The following NFIB variants were observed in gnomAD, a reference collection of about 807,000 sequenced individuals.
NFIB encodes nuclear factor 1 B-type.
A neutral mutation model predicts 61.5 loss-of-function variants in NFIB; 11 were observed. The observed-to-expected ratio is 0.18, with a 90% confidence interval of 0.11 to 0.30. The LOEUF is 0.30. NFIB is among the 10% of genes least tolerant of loss of function. The probability of loss-of-function intolerance (pLI) is 1.00; values close to 1 mark genes in which losing one functional copy is unlikely to be tolerated. For synonymous variants in NFIB, 260 were observed against 216.5 expected (o/e 1.20, Z -1.76); for missense variants, 471 against 608.9 (o/e 0.77, Z 2.38).
intron 2 of NFIB, among the ~76,000 whole-genome samples, chr9:14,255,258 C>T (rs920326847): frequency 5.3e-5 from 8 of 152,080 alleles, no homozygotes; most frequent in Non-Finnish European, 1.0e-4. Context: ...AGAAACTTGG[C>T]TGAACCATGA....
the NFIB span, among the ~76,000 whole-genome samples, chr9:14,409,636 G>C: frequency 6.6e-6 from 1 of 152,298 alleles, no homozygotes; most frequent in South Asian, 2.1e-4. Flanking sequence ...CTATGACACA[G>C]CTCACCTTTC....
rs2057207100 is a variant in NFIB, at chr9:14,266,446, A to G, written c.562+40543T>C. 2.6e-5 allele frequency among the ~76,000 whole-genome samples: 4 copies of G among 152,052 alleles called. No homozygotes were observed. In the South Asian group the frequency reaches 8.3e-4, roughly 32 times the overall value. Reference sequence around the variant, plus strand: ...ATTTCTAGAAAAAAAAAATTTTTAAATAGCAGGGTATTGTGTCCCATGCCT... The same window carrying G: ...ATTTCTAGAAAAAAAAAATTTTTAAGTAGCAGGGTATTGTGTCCCATGCCT... On this transcript the variant is annotated intron_variant, in intron 2 of 10. Coordinates refer to ENST00000380953, the MANE Select transcript of NFIB (RefSeq NM_001190737.2).
At chr9:14,270,136 T>C (rs1271019852) in intron 2 of NFIB, among the ~76,000 whole-genome samples, 1 of 152,144 alleles carries the variant, frequency 6.6e-6, no homozygotes, top group Non-Finnish European at 1.5e-5. Flanking sequence ...AGGAAACTGT[T>C]AGATGACCCT....
At chr9:14,274,555 G>A (rs2057865572) in intron 2 of NFIB, among the ~76,000 whole-genome samples, 1 of 152,116 alleles carries the variant, frequency 6.6e-6, no homozygotes, top group South Asian at 2.1e-4. Context: ...GAAGTTAGAA[G>A]CATTCTTCAC....
intron 2 of NFIB, among the ~76,000 whole-genome samples, chr9:14,192,893 T>G (rs1197754294): frequency 6.6e-6 from 1 of 152,134 alleles, no homozygotes; most frequent in Non-Finnish European, 1.5e-5. Context: ...CAGATACATT[T>G]GTTTTTTTGA....
chr9:14,426,347 A>T, the NFIB span, among the ~76,000 whole-genome samples: 5 of 152,098 alleles, frequency 3.3e-5, no homozygotes, highest in Non-Finnish European at 5.9e-5. Context: ...CTCCTCTGTG[A>T]TCCCATGAGG....
At chr9:14,254,548 T>G (rs770810676) in intron 2 of NFIB, among the ~76,000 whole-genome samples, 1 of 152,170 alleles carries the variant, frequency 6.6e-6, no homozygotes, top group Non-Finnish European at 1.5e-5. Flanking sequence ...GTTTGCTGAT[T>G]TGAAGTGAAA....
intron 3 of NFIB, among the ~76,000 whole-genome samples, chr9:14,174,752 G>C (rs1456125506): frequency 1.1e-4 from 16 of 142,682 alleles, no homozygotes; most frequent in Admixed American, 1.1e-3. Context: ...GGGCGACAGA[G>C]TGAGACTCCA....
intron 1 of NFIB, among the ~76,000 whole-genome samples, chr9:14,371,515 T>C (rs1250446766): frequency 6.6e-6 from 1 of 152,202 alleles, no homozygotes; most frequent in African/African-American, 2.4e-5. Flanking sequence ...ACTTAGACTT[T>C]AGTCCTCTCC....
intron 2 of NFIB, among the ~76,000 whole-genome samples, chr9:14,216,891 A>G (rs1261979359): frequency 6.6e-6 from 1 of 152,236 alleles, no homozygotes; most frequent in Non-Finnish European, 1.5e-5. Flanking sequence ...ATCCTGGCCA[A>G]TGTTTAGCAC....
At chr9:14,467,513 T>C in the NFIB span, among the ~76,000 whole-genome samples, 14 of 152,184 alleles carry the variant, frequency 9.2e-5, no homozygotes, top group African/African-American at 3.4e-4. Context: ...TTAACAGCTC[T>C]TACTGGGGTG....
At chr9:14,141,033 T>G (rs2041641605) in intron 6 of NFIB, among the ~76,000 whole-genome samples, 1 of 152,196 alleles carries the variant, frequency 6.6e-6, no homozygotes, top group Non-Finnish European at 1.5e-5. Flanking sequence ...ACTGGCATTT[T>G]TACTCTCTAG....
chr9:14,246,753 T>C (rs567437648), intron 2 of NFIB, among the ~76,000 whole-genome samples: 9 of 152,266 alleles, frequency 5.9e-5, no homozygotes, highest in African/African-American at 1.9e-4. Flanking sequence ...TATCAAGGTA[T>C]ATGTGTGGTT....
chr9:14,508,094 TATAA>T, the NFIB span, among the ~76,000 whole-genome samples: 2 of 150,916 alleles, frequency 1.3e-5, no homozygotes, highest in South Asian at 4.2e-4. Context: ...AATATTAATA[TATAA>T]ATATACATGT....
At chr9:14,247,111 A>G (rs2055024347) in intron 2 of NFIB, among the ~76,000 whole-genome samples, 1 of 152,130 alleles carries the variant, frequency 6.6e-6, no homozygotes, top group Non-Finnish European at 1.5e-5. Context: ...TCAGACTCCC[A>G]GCCTCCAGGA....
chr9:14,442,963 G>A, the NFIB span, among the ~76,000 whole-genome samples: 1 of 152,006 alleles, frequency 6.6e-6, no homozygotes, highest in Non-Finnish European at 1.5e-5. Context: ...CCACACTTGC[G>A]ACATGGCCAA....
chr9:14,307,478 G>A lies in NFIB; in HGVS notation c.73C>T (p.Arg25Cys), dbSNP rs752423267. The change falls in exon 2 of 11, where the codon CGT becomes TGT. Residue 25 changes from arginine (R) to cysteine (C), a missense_variant. This residue lies in a region of NFIB where 99 missense variants were observed against 213.3 expected (regional missense o/e 0.46). Transcript: ENST00000380953. The surrounding 1 kb of genome is among the most constrained non-coding windows in gnomAD (Gnocchi z 5.3). ...PFIEALLPHV[R>C]AIAYTWFNLQ... is the part of the protein sequence containing the mutation. Reference sequence around the variant, plus strand: ...TTGAACCAAGTATAGGCAATTGCACGGACATGTGGAAGAAGTGCCTCGATG... The same window carrying A: ...TTGAACCAAGTATAGGCAATTGCACAGACATGTGGAAGAAGTGCCTCGATG... 1.2e-5 allele frequency: 19 copies of A among 1,612,102 alleles called. No individual in the cohort carries two copies. Among genetic ancestry groups the A allele is most frequent in the East Asian group, 2.2e-5 (1 of 44,838 alleles).
intron 1 of NFIB, among the ~76,000 whole-genome samples, chr9:14,386,455 C>G (rs1640423992): frequency 6.6e-6 from 1 of 152,202 alleles, no homozygotes; most frequent in Non-Finnish European, 1.5e-5. Context: ...GTGACACACC[C>G]TTCTGAAGAG....
At position 14,175,163 on chromosome 9, in the gene NFIB, A is replaced by ATTTTTTTTTTT. The variant is rs375736787; in HGVS notation, c.616+4563_616+4564insAAAAAAAAAAA. On this transcript the variant is annotated intron_variant, in intron 3 of 10. Transcript: ENST00000380953. The stretch of plus-strand genomic sequence containing the variant: ...TCTCAAAATTTTTATGACTTAAAGA[A>ATTTTTTTTTTT]TTTCTTTTTTTTTTTTTTTTTTTTG... Among the ~76,000 whole-genome samples the ATTTTTTTTTTT allele has an allele frequency of 3.8e-4, 39 of 102,120 alleles. 2 individuals carry two copies. The highest frequency in any genetic ancestry group is 7.5e-4 in the South Asian group (2 of 2,658). 67.0% of individuals were successfully genotyped at this position (102,120 alleles called of 152,430 possible). A position where few individuals can be genotyped will look rare whatever the true frequency, so the allele number is the denominator to read the frequency against.
Sources: allele counts gnomAD v4.1 joint callset (sites outside exome capture counted in the v4.1 genomes callset), GRCh38; gene constraint gnomAD v4.1.1; regional missense constraint gnomAD v4.1.1; non-coding constraint Gnocchi (gnomAD v3.1); transcripts MANE v1.5; gene names NCBI Gene and HGNC (gene_info 2026-07-23, HGNC 2026-07-21).